The following LIME1 variants were observed in gnomAD, a reference collection of about 807,000 sequenced individuals.
LIME1 encodes the protein Lck interacting transmembrane adaptor 1, also known as lck-interacting transmembrane adapter 1.
LIME1 carries 23 observed loss-of-function variants against 18.8 expected under a neutral mutation model. The observed-to-expected ratio is 1.22, with a 90% CI of 0.88 to 1.73. The LOEUF (loss-of-function observed/expected upper bound fraction) is 1.73. Ranked by LOEUF, LIME1 falls within the 40% of genes most tolerant of loss-of-function variation. The pLI is 0.00. For missense variants in LIME1, 423 were observed against 396.8 expected, an observed-to-expected ratio of 1.07 and a Z score of -0.56; for synonymous variants, 177 against 182.3, an observed-to-expected ratio of 0.97 and a Z score of 0.23.
rs2145717903 is a variant in LIME1, at chr20:63,738,444, A to G, written c.530A>G (p.His177Arg). Residue 177 changes from histidine to arginine, a missense_variant, in exon 5 of 6, where the codon CAT becomes CGT. By Grantham distance (29) the His-to-Arg change is conservative. Transcript: ENST00000309546. ...YARVQKRKGTHRSPQEPQQGK... is the reference protein window; with the variant it reads ...YARVQKRKGTRRSPQEPQQGK... ...CGCGTCCAGAAGCGCAAAGGGACCC[A>G]TCGCAGTCCCCAAGAGCCACAGCAG... is the stretch of plus-strand genomic sequence containing the variant. 2.6e-6 allele frequency: 4 copies of G among 1,535,478 alleles called. No individual in the cohort carries two copies. The East Asian group carries it at 9.2e-5, about 35-fold the overall frequency.
chr20:63,735,981 C>G, upstream of LIME1: 1 of 1,563,406 alleles, frequency 6.4e-7, no homozygotes. Context: ...TCAGGAAGAC[C>G]AGTGTTGCCC....
In LIME1 at chr20:63,738,030, G is replaced by T; in HGVS notation, c.238G>T (p.Glu80Ter). Reference protein sequence around the residue: ...SLSKSDTRLHELHRGPRSSRA... With the variant: ...SLSKSDTRLH ...CAGCAAGTCGGACACCAGACTGCAC[G>T]AGCTGCACCGGGGCCCGCGCAGCAG... The change falls in exon 4 of 6, where the codon GAG becomes TAG. Residue 80 changes from glutamate to a stop codon, truncating the protein, a stop_gained. Coordinates refer to ENST00000309546, the MANE Select transcript of LIME1 (RefSeq NM_017806.4). LOFTEE classifies it high-confidence loss of function. 1 of 1,553,272 alleles carries T rather than the reference G, an allele frequency of 6.4e-7. No individual in the cohort carries two copies. The highest frequency in any genetic ancestry group is 8.7e-7 in the Non-Finnish European group (1 of 1,152,982).
chr20:63,736,485 C>CT, upstream of LIME1: 1 of 357,338 alleles, frequency 2.8e-6, no homozygotes, highest in Non-Finnish European at 3.9e-6. Context: ...GTGAGTTAGG[C>CT]TGTCAGAACA....
rs1415239949 is a variant in LIME1 at position 63,737,974 on chromosome 20, C to T, written c.182C>T (p.Ser61Phe). ...LQGSATAAEA[S>F]LLRRTHLCSL... ...CCGACCAGCCTTCCTCGCCCCCAGTCCCTACTGAGGCGGACCCACCTCTGC... is the reference window on the plus strand; with the variant it reads ...CCGACCAGCCTTCCTCGCCCCCAGTTCCTACTGAGGCGGACCCACCTCTGC... The change falls in exon 4 of 6, where the codon TCC becomes TTC. Residue 61 changes from serine to phenylalanine, a missense_variant and splice_region_variant. Physicochemically the swap from Ser to Phe is radical, Grantham distance 155. Coordinates refer to ENST00000309546, the MANE Select transcript of LIME1 (RefSeq NM_017806.4). The T allele has an allele frequency of 6.4e-7, 1 of 1,571,916 alleles. No homozygotes were observed.
At chr20:63,736,656 A>G (rs972726901), upstream of LIME1, 8 of 985,756 alleles carry the variant, frequency 8.1e-6, no homozygotes, top group African/African-American at 1.0e-4. Context: ...CGAGGGCTGC[A>G]CAAAGACCTT....
Position 63,738,992 on chromosome 20 carries a change from G to C in LIME1, c.*92G>C. On this transcript the variant is annotated 3_prime_UTR_variant, in exon 6 of 6. Coordinates refer to ENST00000309546, the MANE Select transcript of LIME1 (RefSeq NM_017806.4). Reference sequence around the variant, plus strand: ...CTGACAGCGCCAGTCCCAGGTCCCCGGGCTGCCAGCCCGTGAGGTCCGTGA... The same window carrying C: ...CTGACAGCGCCAGTCCCAGGTCCCCCGGCTGCCAGCCCGTGAGGTCCGTGA... 7.8e-7 allele frequency: 1 copy of C among 1,275,976 alleles called. No homozygotes were observed. Among genetic ancestry groups the C allele is most frequent in the Non-Finnish European group, 1.1e-6 (1 of 946,140 alleles). 79.0% of individuals were successfully genotyped at this position (1,275,976 alleles called of 1,614,324 possible). A position where few individuals can be genotyped will look rare whatever the true frequency, so the allele number is the denominator to read the frequency against.
At chr20:63,735,955 C>T, upstream of LIME1, 1 of 1,587,498 alleles carries the variant, frequency 6.3e-7, no homozygotes, top group Non-Finnish European at 8.6e-7. Flanking sequence ...GCGTGGGACC[C>T]CAGCACGGGC....
Position 63,738,962 on chromosome 20 carries a change from C to T in LIME1, c.*62C>T. ...GCCCGTCCCCCGCCCCGCCCCGCCT[C>T]ACAGCTGACAGCGCCAGTCCCAGGT... On this transcript the variant is annotated 3_prime_UTR_variant, in exon 6 of 6. Transcript: ENST00000309546. 7.1e-7 allele frequency: 1 copy of T among 1,402,452 alleles called. No individual in the cohort carries two copies. The highest frequency in any genetic ancestry group is 1.9e-4 in the Middle Eastern group (1 of 5,202). The allele number at this position is 1,402,452 out of a possible 1,614,324, so 86.9% of individuals were successfully genotyped here.
In LIME1 at chr20:63,738,578, G is replaced by T; in HGVS notation, c.586-20G>T. ...GTTGGATGGTGCTGACCCCTCCTCGGGTTGGCTTCCTGTCTCCAGGTGGAC... is the reference window on the plus strand; with the variant it reads ...GTTGGATGGTGCTGACCCCTCCTCGTGTTGGCTTCCTGTCTCCAGGTGGAC... On this transcript the variant is annotated intron_variant, in intron 5 of 5. Coordinates refer to ENST00000309546, the MANE Select transcript of LIME1 (RefSeq NM_017806.4). 6.5e-7 allele frequency: 1 copy of T among 1,536,222 alleles called. No homozygotes were observed. The highest frequency in any genetic ancestry group is 8.8e-7 in the Non-Finnish European group (1 of 1,142,160).
In LIME1 at chr20:63,738,378, G is replaced by T. The variant is rs759004080; in HGVS notation, c.464G>T (p.Gly155Val). Residue 155 changes from glycine (G) to valine (V), a missense_variant, in exon 5 of 6, where the codon GGG becomes GTG. Transcript: ENST00000309546. ...YSNVGLAALP[G>V]VSLAASPVVA... The stretch of plus-strand genomic sequence containing the variant: ...AACGTGGGGCTGGCGGCCCTTCCCG[G>T]GGTCAGCCTGGCGGCCAGCCCTGTG... The T allele has an allele frequency of 2.6e-6, 4 of 1,555,302 alleles. No homozygotes were observed. Among genetic ancestry groups the T allele is most frequent in the Non-Finnish European group, 3.5e-6 (4 of 1,150,756 alleles).
intron 4 of LIME1, 58 bp from the exon 5 acceptor site, chr20:63,738,125 G>A (rs2092017613): frequency 2.0e-6 from 3 of 1,526,310 alleles, no homozygotes; most frequent in Non-Finnish European, 2.6e-6. Flanking sequence ...CCAACCCCTG[G>A]GCCAGACCCG....
Position 63,738,291 on chromosome 20 carries a change from C to G in LIME1, c.377C>G (p.Pro126Arg), listed in dbSNP as rs890305243. The change falls in exon 5 of 6, where the codon CCC becomes CGC. Residue 126 changes from proline (P) to arginine (R), a missense_variant. Physicochemically the swap from Pro to Arg is moderately radical, Grantham distance 103 (BLOSUM62 -2). Coordinates refer to ENST00000309546, the MANE Select transcript of LIME1 (RefSeq NM_017806.4). ...TCTGCCTTCCCACACCAGGAGCTGC[C>G]CCGGGCTCTGCCGGCAGCTGCAGCC... is the stretch of plus-strand genomic sequence containing the variant. ...APSAFPHQELPRALPAAAATA... is the reference protein window; with the variant it reads ...APSAFPHQELRRALPAAAATA... The G allele has an allele frequency of 4.5e-6, 7 of 1,572,556 alleles. No individual in the cohort carries two copies. Among genetic ancestry groups the G allele is most frequent in the Non-Finnish European group, 6.0e-6 (7 of 1,163,424 alleles).
In LIME1 at chr20:63,738,694, G is replaced by T; in HGVS notation, c.682G>T (p.Ala228Ser). The change falls in exon 6 of 6, where the codon GCC becomes TCC. Residue 228 changes from alanine (A) to serine (S), a missense_variant. Transcript: ENST00000309546. ...CCCCAAGGGCCAGGGAGCGATTCTG[G>T]CCCTGGCGGGTGACCTGGCCTACCA... Reference protein sequence around the residue: ...LDPKGQGAILALAGDLAYQTL... With the variant: ...LDPKGQGAILSLAGDLAYQTL... The T allele has an allele frequency of 6.2e-7, 1 of 1,612,800 alleles. No individual in the cohort carries two copies.
rs756062890 is a variant in LIME1 at position 63,738,417 on chromosome 20, C to A, written c.503C>A (p.Ala168Asp). ...GCCAGCCCTGTGGTGGCCGAGTATG[C>A]CCGCGTCCAGAAGCGCAAAGGGACC... ...LAASPVVAEY[A>D]RVQKRKGTHR... The change falls in exon 5 of 6, where the codon GCC (alanine) becomes GAC (aspartate). Residue 168 changes from alanine (A) to aspartate (D), a missense_variant. By Grantham distance (126) the Ala-to-Asp change is moderately radical. Coordinates refer to ENST00000309546, the MANE Select transcript of LIME1 (RefSeq NM_017806.4). The A allele has an allele frequency of 3.2e-6, 5 of 1,546,394 alleles. No homozygotes were observed. The South Asian group carries it at 6.1e-5, about 19-fold the overall frequency.
At chr20:63,735,914 T>G, upstream of LIME1, 2 of 1,611,680 alleles carry the variant, frequency 1.2e-6, no homozygotes, top group Non-Finnish European at 1.7e-6. Flanking sequence ...GATGACTGAG[T>G]TCTAGAGACC....
Position 63,738,078 on chromosome 20 carries a change from C to CGGGGGT in LIME1, c.268+23_268+24insTGGGGG. On this transcript the variant is annotated intron_variant, in intron 4 of 5. Transcript: ENST00000309546. ...CAGCAGGGGTGAGCAGAGGGCGGGG[C>CGGGGGT]GGGGGCGGCCGGGCGGGGCTTACTG... 8.5e-7 allele frequency: 1 copy of CGGGGGT among 1,171,686 alleles called. No homozygotes were observed. The highest frequency in any genetic ancestry group is 2.3e-5 in the Admixed American group (1 of 43,856). The allele number at this position is 1,171,686 out of a possible 1,614,324, so 72.6% of individuals were successfully genotyped here. A position where few individuals can be genotyped will look rare whatever the true frequency, so the allele number is the denominator to read the frequency against.
At chr20:63,737,787 A>AGGCCC in intron 2 of LIME1, 34 bp from the exon 3 acceptor site, 5 of 1,322,734 alleles carry the variant, frequency 3.8e-6, no homozygotes, top group Non-Finnish European at 5.0e-6. Flanking sequence ...GAGGCTGACG[A>AGGCCC]CCCCGCCCCC....
rs747135218 is a variant in LIME1, at chr20:63,738,295, G to T, written c.381G>T (p.Arg127=). ...PSAFPHQELP[R]ALPAAAATAG... is the part of the protein sequence containing the mutation. The stretch of plus-strand genomic sequence containing the variant: ...CCTTCCCACACCAGGAGCTGCCCCG[G>T]GCTCTGCCGGCAGCTGCAGCCACCG... Residue 127 remains arginine (R), a synonymous_variant, in exon 5 of 6, where the codon CGG becomes CGT. Coordinates refer to ENST00000309546, the MANE Select transcript of LIME1 (RefSeq NM_017806.4). 6.4e-7 allele frequency: 1 copy of T among 1,569,566 alleles called. No individual in the cohort carries two copies. The highest frequency in any genetic ancestry group is 1.2e-5 in the South Asian group (1 of 86,468).
At chr20:63,737,352 C>T in intron 1 of LIME1, 181 bp from the exon 2 acceptor site, 5 of 1,323,080 alleles carry the variant, frequency 3.8e-6, no homozygotes, top group East Asian at 3.1e-5. Context: ...CGGGAGCCCC[C>T]GCCAGAAGGT....
Sources: allele counts gnomAD v4.1 joint callset, GRCh38; gene constraint gnomAD v4.1.1; transcripts MANE v1.5; gene names NCBI Gene and HGNC (gene_info 2026-07-23, HGNC 2026-07-21).